Variants in MPP7 observed in about 807,000 individuals in gnomAD.
MPP7 encodes MAGUK p55 subfamily member 7.
Under a neutral mutation model 76.5 loss-of-function variants are expected in MPP7, and 60 were observed. The ratio of observed to expected loss-of-function variants is 0.78; its 90% CI spans 0.64 to 0.97. The LOEUF (loss-of-function observed/expected upper bound fraction) is 0.97. MPP7 is among the 50% of genes least tolerant of loss of function. The probability of loss-of-function intolerance (pLI) is 0.00; values close to 1 mark genes in which losing one functional copy is unlikely to be tolerated. For missense variants in MPP7, 641 were observed against 694.0 expected, an observed-to-expected ratio of 0.92 and a Z score of 0.86; for synonymous variants, 237 against 244.5, an observed-to-expected ratio of 0.97 and a Z score of 0.29.
chr10:28,057,722 T>C (rs1267985588), intron 15 of MPP7: 5 of 1,284,534 alleles, frequency 3.9e-6, no homozygotes, highest in Admixed American at 2.3e-5. Flanking sequence ...GCCTTCCTGA[T>C]TCTTGAAACA....
At chr10:28,298,722 C>T (rs542176196) in intron 1 of MPP7, among the ~76,000 whole-genome samples, 2 of 152,198 alleles carry the variant, frequency 1.3e-5, no homozygotes, top group Non-Finnish European at 2.9e-5. Flanking sequence ...AAGTCCGAGA[C>T]GGCATCTTCT....
intron 13 of MPP7, among the ~76,000 whole-genome samples, chr10:28,065,582 G>A (rs542453118): frequency 4.1e-4 from 63 of 152,260 alleles, no homozygotes; most frequent in African/African-American, 1.5e-3. Flanking sequence ...AGCTCACTGA[G>A]TACCCACTAT....
intron 3 of MPP7, among the ~76,000 whole-genome samples, chr10:28,192,844 G>A (rs1239552361): frequency 6.6e-6 from 1 of 152,184 alleles, no homozygotes; most frequent in African/African-American, 2.4e-5. Context: ...AAGTCTGAGG[G>A]CTGACGCTAC....
chr10:28,124,859 T>C, intron 7 of MPP7, 151 bp downstream of exon 7: 1 of 637,670 alleles, frequency 1.6e-6, no homozygotes, highest in South Asian at 1.9e-5. Flanking sequence ...TTTATTTAAA[T>C]AGGCTCTCAC....
At chr10:28,289,679 T>C (rs1030894800) in intron 1 of MPP7, among the ~76,000 whole-genome samples, 9 of 152,106 alleles carry the variant, frequency 5.9e-5, no homozygotes, top group African/African-American at 2.2e-4. Flanking sequence ...AGTGACAGGA[T>C]CCACCCGAAC....
chr10:28,223,854 T>C (rs556174530), intron 2 of MPP7, among the ~76,000 whole-genome samples: 2 of 151,020 alleles, frequency 1.3e-5, no homozygotes, highest in South Asian at 4.2e-4. Context: ...GCTCACTCTA[T>C]TAATGTCATT....
At chr10:28,292,875 TA>T (rs1840952243) in intron 1 of MPP7, among the ~76,000 whole-genome samples, 2 of 152,114 alleles carry the variant, frequency 1.3e-5, no homozygotes. Flanking sequence ...TCTGTGTGCA[TA>T]TATACGAGTG....
chr10:28,219,111 C>G (rs1330994445), intron 2 of MPP7, among the ~76,000 whole-genome samples: 1 of 152,180 alleles, frequency 6.6e-6, no homozygotes, highest in Non-Finnish European at 1.5e-5. Flanking sequence ...TCGTTTAGAA[C>G]AACTTATTTC....
intron 5 of MPP7, among the ~76,000 whole-genome samples, chr10:28,134,968 T>C (rs1473102205): frequency 6.6e-6 from 1 of 152,006 alleles, no homozygotes; most frequent in Non-Finnish European, 1.5e-5. Context: ...AGGACCAAGA[T>C]GAGGTTAACA....
At chr10:28,324,588 T>G (rs1254302799) in intron 2 of MPP7, among the ~76,000 whole-genome samples, 1 of 152,172 alleles carries the variant, frequency 6.6e-6, no homozygotes, top group African/African-American at 2.4e-5. Context: ...ATAGAACATA[T>G]AGGATAACCA....
chr10:28,093,561 C>T (rs1853421541), intron 11 of MPP7, among the ~76,000 whole-genome samples: 1 of 151,928 alleles, frequency 6.6e-6, no homozygotes, highest in African/African-American at 2.4e-5. Context: ...ATTCTCATGC[C>T]TCAGCCTCCT....
chr10:28,147,476 T>A lies in MPP7; in HGVS notation c.315+7A>T. ...AGGTATTTATTACCGGCGTAACATGTCCTCACCTTCACATTGGGTTTTGAC... is the reference window on the plus strand; with the variant it reads ...AGGTATTTATTACCGGCGTAACATGACCTCACCTTCACATTGGGTTTTGAC... On this transcript the variant is annotated splice_region_variant and intron_variant, in intron 5 of 16. Coordinates refer to ENST00000683449, the MANE Select transcript of MPP7 (RefSeq NM_001318170.2). The A allele has an allele frequency of 6.2e-7, 1 of 1,611,510 alleles. No homozygotes were observed. The highest frequency in any genetic ancestry group is 8.5e-7 in the Non-Finnish European group (1 of 1,177,528).
intron 12 of MPP7, among the ~76,000 whole-genome samples, chr10:28,087,751 G>A (rs1853090962): frequency 6.6e-6 from 1 of 152,132 alleles, no homozygotes; most frequent in South Asian, 2.1e-4. Context: ...AGGCAACAGG[G>A]ACAGAAGAGA....
chr10:28,327,930 C>T (rs965531131), intron 2 of MPP7, among the ~76,000 whole-genome samples: 9 of 152,108 alleles, frequency 5.9e-5, no homozygotes, highest in African/African-American at 2.2e-4. Flanking sequence ...TCCCTCAGTC[C>T]CCTGACCTGT....
chr10:28,080,352 CA>C (rs1471296601), intron 12 of MPP7, among the ~76,000 whole-genome samples: 1 of 152,088 alleles, frequency 6.6e-6, no homozygotes, highest in African/African-American at 2.4e-5. Context: ...TAGACGGGGG[CA>C]TGAGAAACTG....
intron 3 of MPP7, among the ~76,000 whole-genome samples, chr10:28,161,674 C>T (rs1449601483): frequency 2.0e-5 from 3 of 152,046 alleles, no homozygotes; most frequent in Admixed American, 1.3e-4. Flanking sequence ...TAAACATCCT[C>T]GATTTCTGAA....
intron 1 of MPP7, among the ~76,000 whole-genome samples, chr10:28,240,240 A>T (rs1839221131): frequency 6.6e-6 from 1 of 152,162 alleles, no homozygotes; most frequent in Non-Finnish European, 1.5e-5. Context: ...ACAAAAAAAC[A>T]TTGGAAACAC....
chr10:28,131,428 A>C, intron 6 of MPP7, 132 bp downstream of exon 6: 1 of 727,212 alleles, frequency 1.4e-6, no homozygotes, highest in Non-Finnish European at 1.9e-6. Context: ...CATGTTCTTT[A>C]GACATCAATG....
chr10:28,277,363 C>CA lies in MPP7; in HGVS notation c.-132+25497dup, dbSNP rs146764680. Among the ~76,000 whole-genome samples the CA allele has an allele frequency of 2.4e-3, 315 of 130,340 alleles. 4 individuals are homozygous for CA. Among genetic ancestry groups the CA allele is most frequent in the African/African-American group, 3.8e-3 (137 of 35,598 alleles). The allele number at this position is 130,340 out of a possible 152,430, so 85.5% of individuals were successfully genotyped here. On this transcript the variant is annotated intron_variant, in intron 1 of 16. Coordinates refer to ENST00000683449, the MANE Select transcript of MPP7 (RefSeq NM_001318170.2). ...ACTAATACTAATGATAGCTGACGAG[C>CA]AAAAAAAAAAAAATTAATTAAAAAA...
Sources: allele counts gnomAD v4.1 joint callset (sites outside exome capture counted in the v4.1 genomes callset), GRCh38; gene constraint gnomAD v4.1.1; transcripts MANE v1.5; gene names NCBI Gene and HGNC (gene_info 2026-07-23, HGNC 2026-07-21).